SGCD: variants seen among roughly 807,000 people sequenced by gnomAD.
SGCD encodes the protein delta-sarcoglycan.
In SGCD, 18 loss-of-function variants were observed where a neutral mutation model predicts 36.6. The ratio of observed to expected loss-of-function variants is 0.49; its 90% CI spans 0.34 to 0.73. The LOEUF (loss-of-function observed/expected upper bound fraction) is 0.73, where lower values mean the gene tolerates loss of function less well. Among genes scored for constraint, SGCD ranks in the 30% least tolerant of loss-of-function variants. The pLI, the probability that SGCD is intolerant of heterozygous loss-of-function variation, is 0.01. For missense variants in SGCD, 387 were observed against 346.7 expected, an observed-to-expected ratio of 1.12 and a Z score of -0.92; for synonymous variants, 133 against 130.6, an observed-to-expected ratio of 1.02 and a Z score of -0.12.
intron 5 of SGCD, among the ~76,000 whole-genome samples, chr5:156,592,987 G>C (rs777283169): frequency 1.6e-4 from 25 of 152,170 alleles, no homozygotes; most frequent in Non-Finnish European, 3.2e-4. Flanking sequence ...ATCCACAAGA[G>C]TGGTGATGTC....
At chr5:156,099,642 T>C (rs999953496) in intron 1 of SGCD, among the ~76,000 whole-genome samples, 2 of 152,172 alleles carry the variant, frequency 1.3e-5, no homozygotes, top group African/African-American at 4.8e-5. Context: ...CTTGAACTCC[T>C]GACCTCAAAT....
chr5:155,983,755 G>A (rs1001205928), intron 1 of SGCD, among the ~76,000 whole-genome samples: 4 of 152,204 alleles, frequency 2.6e-5, no homozygotes, highest in African/African-American at 9.6e-5. Context: ...TGACAAATTT[G>A]TACTGATTGC....
intron 3 of SGCD, among the ~76,000 whole-genome samples, chr5:156,398,698 T>C (rs1771991062): frequency 6.6e-6 from 1 of 152,210 alleles, no homozygotes; most frequent in Non-Finnish European, 1.5e-5. Context: ...ACCACTTACA[T>C]GCCTGGCCCA....
At chr5:156,676,606 A>G (rs1027558845) in intron 7 of SGCD, among the ~76,000 whole-genome samples, 1 of 152,014 alleles carries the variant, frequency 6.6e-6, no homozygotes, top group Non-Finnish European at 1.5e-5. Context: ...TTCACGAACA[A>G]CTCCCACATC....
chr5:156,558,705 C>A (rs1038318500), intron 4 of SGCD, among the ~76,000 whole-genome samples: 1 of 151,990 alleles, frequency 6.6e-6, no homozygotes, highest in African/African-American at 2.4e-5. Flanking sequence ...GAATTACTGA[C>A]CTTTAATTTT....
At position 156,625,854 on chromosome 5, in the gene SGCD, G is replaced by A. The variant is rs571413146; in HGVS notation, c.503-21610G>A. ...CGGATGAAAGGAACTCCTGTTTCAT[G>A]TGGAGCCTATCATTAAATTCTGAGG... is the stretch of plus-strand genomic sequence containing the variant. On this transcript the variant is annotated intron_variant, in intron 6 of 8. Coordinates refer to ENST00000337851, the MANE Select transcript of SGCD (RefSeq NM_000337.6). 2.6e-5 allele frequency among the ~76,000 whole-genome samples: 4 copies of A among 152,360 alleles called. No homozygotes were observed. The East Asian group carries it at 7.7e-4, about 29-fold the overall frequency.
At chr5:156,303,003 T>A (rs1287620038) in intron 3 of SGCD, among the ~76,000 whole-genome samples, 1 of 152,198 alleles carries the variant, frequency 6.6e-6, no homozygotes, top group Non-Finnish European at 1.5e-5. Flanking sequence ...GGACCAAGCA[T>A]TCTTCAGTCA....
chr5:156,182,427 C>T (rs1763631871), intron 3 of SGCD, among the ~76,000 whole-genome samples: 1 of 151,944 alleles, frequency 6.6e-6, no homozygotes, highest in African/African-American at 2.4e-5. Flanking sequence ...CCCATCTCTA[C>T]AAAAAATCCA....
At chr5:155,894,364 C>T (rs951192376) in intron 1 of SGCD, among the ~76,000 whole-genome samples, 16 of 152,044 alleles carry the variant, frequency 1.1e-4, no homozygotes, top group African/African-American at 3.1e-4. Flanking sequence ...CATCCTTGAC[C>T]GAAACATCAT....
At chr5:155,739,390 C>T in the SGCD span, among the ~76,000 whole-genome samples, 1 of 152,170 alleles carries the variant, frequency 6.6e-6, no homozygotes, top group South Asian at 2.1e-4. Context: ...GGGCTGAAAG[C>T]AGAGGAATAC....
At chr5:156,728,964 A>G (rs1013613380) in intron 7 of SGCD, among the ~76,000 whole-genome samples, 1 of 152,248 alleles carries the variant, frequency 6.6e-6, no homozygotes, top group Non-Finnish European at 1.5e-5. Flanking sequence ...GCAGTTCAGG[A>G]AGAAGCCCTT....
intron 3 of SGCD, among the ~76,000 whole-genome samples, chr5:156,235,174 C>T (rs1294887213): frequency 6.6e-6 from 1 of 152,102 alleles, no homozygotes; most frequent in East Asian, 1.9e-4. Flanking sequence ...ATGGCAGAGA[C>T]TGAAGGATGA....
chr5:156,421,169 A>T (rs1327618265), intron 3 of SGCD, among the ~76,000 whole-genome samples: 2 of 152,134 alleles, frequency 1.3e-5, no homozygotes, highest in East Asian at 3.9e-4. Context: ...AGGCACAAAG[A>T]AAGTATATGA....
chr5:155,900,186 A>G (rs1756356642), intron 1 of SGCD, among the ~76,000 whole-genome samples: 1 of 152,210 alleles, frequency 6.6e-6, no homozygotes, highest in South Asian at 2.1e-4. Context: ...TTTAGATTCT[A>G]AAATAGTCAA....
chr5:156,267,910 G>C (rs1024870085), intron 3 of SGCD, among the ~76,000 whole-genome samples: 2 of 152,096 alleles, frequency 1.3e-5, no homozygotes, highest in Non-Finnish European at 2.9e-5. Flanking sequence ...ATAGGAGTTT[G>C]TTATACAAAA....
intron 1 of SGCD, among the ~76,000 whole-genome samples, chr5:155,914,631 C>T (rs967520675): frequency 3.9e-5 from 6 of 152,126 alleles, no homozygotes; most frequent in South Asian, 2.1e-4. Flanking sequence ...GTATAATAAA[C>T]AATTTTTTAA....
intron 3 of SGCD, among the ~76,000 whole-genome samples, chr5:156,491,954 G>T (rs963682323): frequency 6.6e-6 from 1 of 151,940 alleles, no homozygotes; most frequent in Non-Finnish European, 1.5e-5. Context: ...GACAACTCCT[G>T]ATACTGTTCT....
chr5:156,166,340 G>A (rs1211329854), intron 3 of SGCD, among the ~76,000 whole-genome samples: 1 of 151,874 alleles, frequency 6.6e-6, no homozygotes, highest in Non-Finnish European at 1.5e-5. Context: ...TTATTGAGAT[G>A]GAGTCTCGCT....
chr5:156,097,990 G>A (rs1278210773), intron 1 of SGCD, among the ~76,000 whole-genome samples: 4 of 152,170 alleles, frequency 2.6e-5, no homozygotes, highest in Non-Finnish European at 4.4e-5. Context: ...ACTTGCCCCA[G>A]CTTATACTGC....
Sources: allele counts gnomAD v4.1 joint callset (sites outside exome capture counted in the v4.1 genomes callset), GRCh38; gene constraint gnomAD v4.1.1; transcripts MANE v1.5; gene names NCBI Gene and HGNC (gene_info 2026-07-23, HGNC 2026-07-21).